The following SETBP1 variants were observed in gnomAD, a reference collection of about 807,000 sequenced individuals.
SETBP1 encodes the protein SET binding protein 1.
In SETBP1, 9 loss-of-function variants were observed where a neutral mutation model predicts 101.0. The ratio of observed to expected loss-of-function variants is 0.09; its 90% CI spans 0.05 to 0.16. SETBP1 has a LOEUF of 0.16. SETBP1 is among the 10% of genes least tolerant of loss of function. SETBP1 has a pLI of 1.00. For missense variants in SETBP1, 1,858 were observed against 2,033.8 expected (o/e 0.91, Z 1.66); for synonymous variants, 818 against 788.5 (o/e 1.04, Z -0.63).
In SETBP1 at chr18:45,024,476, A is replaced by G. The variant is rs576917379; in HGVS notation, c.4001-14009A>G. Among the ~76,000 whole-genome samples the G allele has an allele frequency of 1.2e-4, 19 of 152,250 alleles. No homozygotes were observed. In the South Asian group the frequency reaches 3.5e-3, roughly 28 times the overall value. On this transcript the variant is annotated intron_variant, in intron 4 of 5. Coordinates refer to ENST00000649279, the MANE Select transcript of SETBP1 (RefSeq NM_015559.3). ...TCTCTACCAGTTCCAAACCTCCCCA[A>G]TGACAGTTTCCTTTCTTAGCTCAAG...
At chr18:44,692,409 T>C (rs2068950000) in intron 1 of SETBP1, among the ~76,000 whole-genome samples, 1 of 152,222 alleles carries the variant, frequency 6.6e-6, no homozygotes, top group Non-Finnish European at 1.5e-5. Flanking sequence ...CTAAGAAATC[T>C]AAACCTATGT....
At chr18:44,833,727 G>A (rs1433579037) in intron 2 of SETBP1, among the ~76,000 whole-genome samples, 1 of 152,168 alleles carries the variant, frequency 6.6e-6, no homozygotes, top group African/African-American at 2.4e-5. Context: ...GCATTTCCTG[G>A]CTCAGAAATG....
At chr18:44,806,155 TA>T (rs2071728871) in intron 2 of SETBP1, among the ~76,000 whole-genome samples, 1 of 152,176 alleles carries the variant, frequency 6.6e-6, no homozygotes, top group Non-Finnish European at 1.5e-5. Flanking sequence ...AAGCTGAGAA[TA>T]AATAGAAAAA....
chr18:44,911,712 A>G (rs191841479), intron 3 of SETBP1, among the ~76,000 whole-genome samples: 42 of 152,332 alleles, frequency 2.8e-4, no homozygotes, highest in African/African-American at 4.6e-4. Context: ...GAGCTCTCCA[A>G]TGAAATCGTT....
intron 2 of SETBP1, among the ~76,000 whole-genome samples, chr18:44,727,220 T>TGTGTGTGTGTGTGTG (rs1335733269): frequency 1.6e-5 from 1 of 63,910 alleles, no homozygotes; most frequent in East Asian, 3.2e-4. Context: ...GTGTGTGTGT[T>TGTGTGTGTGTGTGTG]GATACCCAAA....
Position 45,063,938 on chromosome 18 carries a change from C to G in SETBP1, c.*240C>G. 4.3e-6 allele frequency: 2 copies of G among 463,240 alleles called. No individual in the cohort carries two copies. Among genetic ancestry groups the G allele is most frequent in the East Asian group, 8.3e-5 (2 of 24,092 alleles). The allele number at this position is 463,240 out of a possible 1,614,324, so 28.7% of individuals were successfully genotyped here. A position where few individuals can be genotyped will look rare whatever the true frequency, so the allele number is the denominator to read the frequency against. On this transcript the variant is annotated 3_prime_UTR_variant, in exon 6 of 6. Coordinates refer to ENST00000649279, the MANE Select transcript of SETBP1 (RefSeq NM_015559.3). ...CTTCACCGCAGCTCCCACCACGCGG[C>G]GCTTCAGTACGGCTGGATCCTCCGC...
At chr18:44,884,127 G>A (rs931227469) in intron 3 of SETBP1, among the ~76,000 whole-genome samples, 2 of 152,150 alleles carry the variant, frequency 1.3e-5, no homozygotes, top group Non-Finnish European at 2.9e-5. Context: ...CAAAGGCAAG[G>A]CAGTAGACTA....
intron 2 of SETBP1, among the ~76,000 whole-genome samples, chr18:44,783,256 AACAT>A (rs1258654421): frequency 1.3e-5 from 2 of 152,198 alleles, no homozygotes; most frequent in African/African-American, 4.8e-5. Flanking sequence ...TGGGATTGAA[AACAT>A]ACTGTGGTAG....
chr18:44,746,602 A>G (rs1036042912), intron 2 of SETBP1, among the ~76,000 whole-genome samples: 6 of 152,202 alleles, frequency 3.9e-5, no homozygotes, highest in African/African-American at 9.7e-5. Flanking sequence ...TTCCCCCATA[A>G]TGTTTAGCTT....
intron 3 of SETBP1, among the ~76,000 whole-genome samples, chr18:44,879,018 T>C (rs921232610): frequency 1.3e-5 from 2 of 152,202 alleles, no homozygotes; most frequent in Non-Finnish European, 2.9e-5. Context: ...TGATTTCCTT[T>C]GTACATCTCT....
intron 2 of SETBP1, among the ~76,000 whole-genome samples, chr18:44,832,433 C>A (rs917970335): frequency 2.0e-5 from 3 of 152,228 alleles, no homozygotes; most frequent in African/African-American, 7.2e-5. Flanking sequence ...GGCTCTCTGA[C>A]CACTGTCTCA....
chr18:44,744,644 G>C (rs1483438010), intron 2 of SETBP1, among the ~76,000 whole-genome samples: 1 of 152,202 alleles, frequency 6.6e-6, no homozygotes, highest in Non-Finnish European at 1.5e-5. Flanking sequence ...CTGGCGCGAC[G>C]ACTGCTGGAA....
intron 2 of SETBP1, among the ~76,000 whole-genome samples, chr18:44,711,458 CTCCT>C (rs763841267): frequency 2.3e-4 from 30 of 132,418 alleles, no homozygotes; most frequent in Admixed American, 9.8e-4. Context: ...CTTTCTTCCT[CTCCT>C]TCCTTCCTTC....
chr18:45,055,503 AG>A (rs2073793861), intron 5 of SETBP1, among the ~76,000 whole-genome samples: 1 of 152,180 alleles, frequency 6.6e-6, no homozygotes, highest in Non-Finnish European at 1.5e-5. Flanking sequence ...TATTTTTAAT[AG>A]TTTTTTAAGG....
intron 5 of SETBP1, among the ~76,000 whole-genome samples, chr18:45,039,996 C>T (rs577593180): frequency 7.9e-5 from 12 of 152,252 alleles, no homozygotes; most frequent in Non-Finnish European, 1.6e-4. Context: ...CAGGGCTTTC[C>T]GGGGCCTTGC....
intron 3 of SETBP1, among the ~76,000 whole-genome samples, chr18:44,921,646 T>G (rs1006999881): frequency 2.0e-5 from 3 of 152,206 alleles, no homozygotes; most frequent in Non-Finnish European, 4.4e-5. Flanking sequence ...TGCTTGGATC[T>G]GCGCTAAATG....
chr18:44,686,318 G>C (rs1378081378), intron 1 of SETBP1, among the ~76,000 whole-genome samples: 1 of 152,216 alleles, frequency 6.6e-6, no homozygotes, highest in African/African-American at 2.4e-5. Flanking sequence ...TATGCCCCAG[G>C]CTGTGTTGTC....
At chr18:44,758,283 T>C (rs1241861929) in intron 2 of SETBP1, among the ~76,000 whole-genome samples, 3 of 152,248 alleles carry the variant, frequency 2.0e-5, no homozygotes, top group African/African-American at 7.2e-5. Flanking sequence ...CTGAGATCAT[T>C]TTCTTTACTA....
intron 4 of SETBP1, among the ~76,000 whole-genome samples, chr18:45,036,561 G>A (rs1005215377): frequency 1.2e-4 from 19 of 152,162 alleles, no homozygotes; most frequent in Non-Finnish European, 1.0e-4. Context: ...TTTCTTGATG[G>A]TTGTGCCTTG....
Sources: allele counts gnomAD v4.1 joint callset (sites outside exome capture counted in the v4.1 genomes callset), GRCh38; gene constraint gnomAD v4.1.1; transcripts MANE v1.5; gene names NCBI Gene and HGNC (gene_info 2026-07-23, HGNC 2026-07-21).